CDH17: variants seen among roughly 807,000 people sequenced by gnomAD.
The protein encoded by CDH17 is cadherin-17.
A neutral mutation model predicts 86.3 loss-of-function variants in CDH17; 67 were observed. The observed-to-expected ratio is 0.78, with a 90% confidence interval of 0.64 to 0.95. CDH17 has a LOEUF of 0.95. Among genes scored for constraint, CDH17 ranks in the 40% least tolerant of loss-of-function variants. The pLI, the probability that CDH17 is intolerant of heterozygous loss-of-function variation, is 0.00. For synonymous variants in CDH17, 367 were observed against 366.4 expected, an observed-to-expected ratio of 1.00 and a Z score of -0.02; for missense variants, 993 against 1,017.6, an observed-to-expected ratio of 0.98 and a Z score of 0.33.
At chr8:94,192,260 C>T (rs1020596455) in intron 2 of CDH17, among the ~76,000 whole-genome samples, 1 of 152,066 alleles carries the variant, frequency 6.6e-6, no homozygotes, top group African/African-American at 2.4e-5. Flanking sequence ...AGCCGCTTTC[C>T]CCAGAAGTGG....
At chr8:94,202,946 G>A in intron 1 of CDH17, 1 of 325,632 alleles carries the variant, frequency 3.1e-6, no homozygotes, top group South Asian at 2.7e-5. Context: ...CCCTTCTTGG[G>A]CTTTTTAGCT....
intron 1 of CDH17, among the ~76,000 whole-genome samples, chr8:94,214,131 T>C (rs1814161816): frequency 6.6e-6 from 1 of 152,180 alleles, no homozygotes; most frequent in South Asian, 2.1e-4. Flanking sequence ...AACTGTACTG[T>C]TTTAATTCTC....
chr8:94,193,617 G>C (rs1475277446), intron 2 of CDH17, among the ~76,000 whole-genome samples: 3 of 152,110 alleles, frequency 2.0e-5, no homozygotes, highest in Non-Finnish European at 1.5e-5. Context: ...CACTACCCTG[G>C]GATAACATAG....
intron 15 of CDH17, among the ~76,000 whole-genome samples, chr8:94,136,295 T>G (rs1465960895): frequency 6.6e-6 from 1 of 152,212 alleles, no homozygotes; most frequent in East Asian, 1.9e-4. Flanking sequence ...GTACACCAAT[T>G]AGACATAGAT....
At chr8:94,166,167 G>C (rs941124834) in intron 9 of CDH17, among the ~76,000 whole-genome samples, 191 bp from the exon 10 acceptor site, 3 of 152,178 alleles carry the variant, frequency 2.0e-5, no homozygotes, top group African/African-American at 7.2e-5. Context: ...TTGTCAGCCA[G>C]GGCTGTCATT....
chr8:94,157,834 C>T (rs1469285957), intron 12 of CDH17, among the ~76,000 whole-genome samples: 1 of 152,152 alleles, frequency 6.6e-6, no homozygotes, highest in Non-Finnish European at 1.5e-5. Flanking sequence ...GAGGATTGCT[C>T]TAGCCCAAGA....
intron 9 of CDH17, 31 bp downstream of exon 9, chr8:94,170,366 T>TA (rs1813243088): frequency 1.2e-6 from 2 of 1,606,024 alleles, no homozygotes; most frequent in South Asian, 2.2e-5. Flanking sequence ...GGAGGGCAGT[T>TA]ACACAGCATT....
At chr8:94,181,160 T>A (rs1457137675) in intron 3 of CDH17, among the ~76,000 whole-genome samples, 1 of 152,050 alleles carries the variant, frequency 6.6e-6, no homozygotes, top group African/African-American at 2.4e-5. Context: ...TAAACATATA[T>A]GCACCTAACA....
At chr8:94,159,885 C>A (rs1813016931) in intron 12 of CDH17, 86 bp downstream of exon 12, 1 of 980,206 alleles carries the variant, frequency 1.0e-6, no homozygotes, top group African/African-American at 1.7e-5. Context: ...GCTAATACAT[C>A]ACCTCTGCTT....
rs1813257745 is a variant in CDH17 at position 94,170,940 on chromosome 8, C to A, written c.829G>T (p.Glu277Ter). 6.2e-7 allele frequency: 1 copy of A among 1,613,820 alleles called. No homozygotes were observed. The highest frequency in any genetic ancestry group is 8.5e-7 in the Non-Finnish European group (1 of 1,179,838). ...PGAQYSLVDK[E>*]KLPRFPFSID... ...GAAAATGGGAATCTTGGCAGCTTCT[C>A]TTTGTCAACTAAGGAATATTGTGCA... Residue 277 changes from glutamate to a stop codon, truncating the protein, a stop_gained, in exon 8 of 18, where the codon GAG (glutamate) becomes TAG (stop). Coordinates refer to ENST00000027335, the MANE Select transcript of CDH17 (RefSeq NM_004063.4). LOFTEE classifies it high-confidence loss of function.
At chr8:94,204,751 G>A (rs1324929648) in intron 1 of CDH17, among the ~76,000 whole-genome samples, 3 of 152,132 alleles carry the variant, frequency 2.0e-5, no homozygotes, top group Admixed American at 2.0e-4. Flanking sequence ...TGTTGTTCCT[G>A]GTTGGCGTTT....
rs1813142882 is a variant in CDH17 at position 94,165,892 on chromosome 8, T to C, written c.1151A>G (p.Gln384Arg). Residue 384 changes from glutamine (Q) to arginine (R), a missense_variant, in exon 10 of 18, where the codon CAA becomes CGA. Coordinates refer to ENST00000027335, the MANE Select transcript of CDH17 (RefSeq NM_004063.4). ...TCCATCCATGGGAAGTTTGGGAGTT[T>C]GCTCCACAATCCTGTAGTTTAGAAA... Reference protein sequence around the residue: ...NSFLNYRIVEQTPKLPMDGLF... With the variant: ...NSFLNYRIVERTPKLPMDGLF... 5.0e-6 allele frequency: 8 copies of C among 1,613,792 alleles called. No individual in the cohort carries two copies. The highest frequency in any genetic ancestry group is 1.3e-5 in the African/African-American group (1 of 74,924).
At chr8:94,160,272 A>G (rs753573389) in intron 11 of CDH17, 110 bp from the exon 12 acceptor site, 17 of 767,950 alleles carry the variant, frequency 2.2e-5, no homozygotes, top group South Asian at 1.1e-4. Flanking sequence ...GTTTGCATCA[A>G]TCTTCATGGG....
At chr8:94,207,306 G>T (rs1814048161) in intron 1 of CDH17, among the ~76,000 whole-genome samples, 1 of 152,020 alleles carries the variant, frequency 6.6e-6, no homozygotes, top group African/African-American at 2.4e-5. Flanking sequence ...CTTTCTCATG[G>T]AACAGAGCGC....
At chr8:94,166,621 A>G (rs1281912893) in intron 9 of CDH17, among the ~76,000 whole-genome samples, 2 of 152,160 alleles carry the variant, frequency 1.3e-5, no homozygotes, top group African/African-American at 4.8e-5. Context: ...TGTCTACCAG[A>G]ACCTGAGCAT....
Position 94,165,922 on chromosome 8 carries a change from T to C in CDH17, c.1121A>G (p.Asn374Ser). The stretch of plus-strand genomic sequence containing the variant: ...CACAATCCTGTAGTTTAGAAAACTG[T>C]TGGCAGTATTTTCTTCATCCCTGTC... ...AHDRDEENTA[N>S]SFLNYRIVEQ... Residue 374 changes from asparagine to serine, a missense_variant, in exon 10 of 18, where the codon AAC becomes AGC. Asn to Ser is a conservative substitution (Grantham distance 46). Transcript: ENST00000027335. 6.2e-7 allele frequency: 1 copy of C among 1,613,954 alleles called. No individual in the cohort carries two copies. Among genetic ancestry groups the C allele is most frequent in the South Asian group, 1.1e-5 (1 of 91,078 alleles).
At position 94,181,245 on chromosome 8, in the gene CDH17, C is replaced by T. The variant is rs180811418; in HGVS notation, c.151-3524G>A. On this transcript the variant is annotated intron_variant, in intron 3 of 17. Coordinates refer to ENST00000027335, the MANE Select transcript of CDH17 (RefSeq NM_004063.4). ...TAAATAATTCAACAGTAATAATTGA[C>T]GATTTCAAGACTTTACTTTAAATAA... 7.2e-5 allele frequency among the ~76,000 whole-genome samples: 11 copies of T among 152,122 alleles called. No individual in the cohort carries two copies. The East Asian group carries it at 9.7e-4, about 13-fold the overall frequency.
intron 12 of CDH17, among the ~76,000 whole-genome samples, chr8:94,158,677 A>G (rs1288323636): frequency 1.3e-5 from 2 of 152,098 alleles, no homozygotes; most frequent in African/African-American, 4.8e-5. Flanking sequence ...TTGTCATGGT[A>G]CCTTTTCCAA....
At chr8:94,145,812 TC>T (rs1586238919) in intron 15 of CDH17, 115 bp downstream of exon 15, 2 of 1,171,224 alleles carry the variant, frequency 1.7e-6, no homozygotes, top group East Asian at 4.8e-5. Context: ...AGCATGAACT[TC>T]CTTCCTGAAG....
Sources: gnomAD v4.1 joint callset for allele counts (sites outside exome capture counted in the v4.1 genomes callset) on GRCh38, gnomAD v4.1.1 for gene constraint, MANE v1.5 for transcripts, NCBI Gene and HGNC (gene_info 2026-07-23, HGNC 2026-07-21) for gene names.